Variants in UPF1 observed in about 807,000 individuals in gnomAD.
UPF1 encodes the protein regulator of nonsense transcripts 1.
UPF1 carries 9 observed loss-of-function variants against 129.2 expected under a neutral mutation model. The observed-to-expected ratio is 0.07, with a 90% confidence interval of 0.04 to 0.12. The LOEUF (loss-of-function observed/expected upper bound fraction) is 0.12. Ranked by LOEUF, UPF1 falls within the 10% of genes least tolerant of loss-of-function variation. The pLI is 1.00. For synonymous variants in UPF1, 649 were observed against 644.9 expected, an observed-to-expected ratio of 1.01 and a Z score of -0.10; for missense variants, 788 against 1,525.3, an observed-to-expected ratio of 0.52 and a Z score of 8.05.
intron 11 of UPF1, chr19:18,855,508 G>T (rs968141009): frequency 2.6e-4 from 149 of 563,226 alleles, no homozygotes; most frequent in African/African-American, 2.6e-3. Flanking sequence ...TCCGTGTGCG[G>T]CACTTTATAG....
intron 3 of UPF1, 106 bp from the exon 4 acceptor site, chr19:18,849,969 C>A: frequency 7.0e-7 from 1 of 1,434,480 alleles, no homozygotes; most frequent in Non-Finnish European, 9.6e-7. Flanking sequence ...ACTGCCTCTG[C>A]TAATGGACCG....
Position 18,832,916 on chromosome 19 carries a change from C to T in UPF1, c.231+476C>T, listed in dbSNP as rs964670340. ...GCTAGGGTGACCTGCCCTGGTCCCT[C>T]TTTCGCAGGTCTCGGTATTCTGCCT... On this transcript the variant is annotated intron_variant, in intron 1 of 23. Transcript: ENST00000262803. This position sits in a 1 kb window ranked among gnomAD's most constrained non-coding sequence, Gnocchi z 5.6. Among the ~76,000 whole-genome samples the T allele has an allele frequency of 2.0e-5, 3 of 152,098 alleles. No individual in the cohort carries two copies. The highest frequency in any genetic ancestry group is 4.4e-5 in the Non-Finnish European group (3 of 68,000).
rs12460984 is a variant in UPF1, at chr19:18,854,515, A to G, written c.1157-86A>G. On this transcript the variant is annotated intron_variant, in intron 8 of 23. Transcript: ENST00000262803. Reference sequence around the variant, plus strand: ...TGTCTTAAGTAACTAAATTTTAAAAACGCTGTTTAAAGAGCGTGTACCAAG... The same window carrying G: ...TGTCTTAAGTAACTAAATTTTAAAAGCGCTGTTTAAAGAGCGTGTACCAAG... The G allele has an allele frequency of 1.1e-4, 119 of 1,078,028 alleles. 1 individual carries two copies. The Admixed American group carries it at 2.6e-3, about 24-fold the overall frequency. 66.8% of individuals were successfully genotyped at this position (1,078,028 alleles called of 1,614,324 possible).
rs2145951814 is a variant in UPF1 at position 18,851,285 on chromosome 19, G to A, written c.810+417G>A. Among the ~76,000 whole-genome samples, 2 of 152,278 alleles carry A rather than the reference G, an allele frequency of 1.3e-5. No homozygotes were observed. Among genetic ancestry groups the A allele is most frequent in the East Asian group, 3.9e-4 (2 of 5,182 alleles). ...CAGTCAGCTGAGACAGAGGGGAGAG[G>A]AGAGGGTGCCGGGTCAAGTAGTGGG... On this transcript the variant is annotated intron_variant, in intron 5 of 23. Transcript: ENST00000262803. This position sits in a 1 kb window ranked among gnomAD's most constrained non-coding sequence, Gnocchi z 4.2.
chr19:18,860,701 G>A, intron 16 of UPF1, 125 bp from the exon 17 acceptor site: 9 of 1,388,224 alleles, frequency 6.5e-6, no homozygotes, highest in Middle Eastern at 2.6e-4. Flanking sequence ...AAGCTCAGCT[G>A]TGCAAACGCC....
At chr19:18,863,728 G>T in intron 19 of UPF1, 116 bp downstream of exon 19, 1 of 1,318,366 alleles carries the variant, frequency 7.6e-7, no homozygotes, top group Non-Finnish European at 1.0e-6. Flanking sequence ...TCTCCTAGGG[G>T]AGGGTGGGCT....
Position 18,850,569 on chromosome 19 carries a change from C to G in UPF1, c.630-119C>G. The G allele has an allele frequency of 1.7e-6, 2 of 1,154,488 alleles. No individual in the cohort carries two copies. Among genetic ancestry groups the G allele is most frequent in the Non-Finnish European group, 2.4e-6 (2 of 850,432 alleles). The allele number at this position is 1,154,488 out of a possible 1,614,324, so 71.5% of individuals were successfully genotyped here. ...ACTAACAGTTTGAAGGTAATGTGATCACATAATAAAATGCAGGGCATGCCC... is the reference window on the plus strand; with the variant it reads ...ACTAACAGTTTGAAGGTAATGTGATGACATAATAAAATGCAGGGCATGCCC... On this transcript the variant is annotated intron_variant, in intron 4 of 23. Transcript: ENST00000262803. The surrounding 1 kb of genome is among the most constrained non-coding windows in gnomAD (Gnocchi z 7.1).
intron 17 of UPF1, 33 bp from the exon 18 acceptor site, chr19:18,861,977 C>T: frequency 6.2e-7 from 1 of 1,609,478 alleles, no homozygotes; most frequent in Non-Finnish European, 8.5e-7. Flanking sequence ...AGGCAGCCTG[C>T]TGGCTGATAG....
chr19:18,836,587 C>T (rs11670952), intron 1 of UPF1, among the ~76,000 whole-genome samples: 14,649 of 151,916 alleles, frequency 0.096, 824 homozygotes, highest in African/African-American at 0.16. Context: ...GGGTAATGGA[C>T]GTTTTTATTA....
chr19:18,854,765 T>C (rs1043947509), intron 9 of UPF1, 56 bp downstream of exon 9: 3 of 1,606,250 alleles, frequency 1.9e-6, no homozygotes, highest in African/African-American at 2.7e-5. Flanking sequence ...GTGGCATCTT[T>C]ATGAGCCCTC....
intron 15 of UPF1, 39 bp from the exon 16 acceptor site, chr19:18,860,282 A>G: frequency 6.2e-7 from 1 of 1,603,260 alleles, no homozygotes; most frequent in Non-Finnish European, 8.5e-7. Flanking sequence ...GAGGCGGGCT[A>G]GGGCTTTTGA....
chr19:18,854,912 T>C lies in UPF1; in HGVS notation c.1299T>C (p.Asp433=), dbSNP rs1188834265. The C allele has an allele frequency of 1.2e-6, 2 of 1,613,882 alleles. No individual in the cohort carries two copies. The change falls in exon 10 of 24, where the codon GAT becomes GAC. Residue 433 remains aspartate (D), a synonymous_variant. Transcript: ENST00000262803. ...GCGCATTGAAAACGTTTGCCGTGGA[T>C]GAGACCTCGGTGTCTGGCTACATCT... is the stretch of plus-strand genomic sequence containing the variant. ...MQSALKTFAV[D]ETSVSGYIYH...
chr19:18,838,248 C>T (rs1195576568), intron 1 of UPF1, among the ~76,000 whole-genome samples: 2 of 151,920 alleles, frequency 1.3e-5, no homozygotes, highest in Non-Finnish European at 2.9e-5. Flanking sequence ...CTGAGGCAGG[C>T]AGATCATTTG....
intron 1 of UPF1, among the ~76,000 whole-genome samples, chr19:18,834,681 G>A (rs1365482973): frequency 6.6e-6 from 1 of 152,178 alleles, no homozygotes; most frequent in Non-Finnish European, 1.5e-5. Flanking sequence ...GGGGAAGAAC[G>A]GAATTTGGGG....
intron 2 of UPF1, among the ~76,000 whole-genome samples, chr19:18,846,772 C>T (rs991938630): frequency 4.6e-5 from 7 of 152,068 alleles, no homozygotes; most frequent in East Asian, 1.9e-4. Context: ...GGGCAGATCA[C>T]GAGGTCAGGA....
At position 18,847,791 on chromosome 19, in the gene UPF1, G is replaced by C. The variant is rs746983401; in HGVS notation, c.419G>C (p.Ser140Thr). 2.0e-5 allele frequency: 32 copies of C among 1,614,100 alleles called. No individual in the cohort carries two copies. Among genetic ancestry groups the C allele is most frequent in the Admixed American group, 3.3e-5 (2 of 60,002 alleles). Residue 140 changes from serine to threonine, a missense_variant, in exon 3 of 24, where the codon AGC (serine) becomes ACC (threonine). This residue lies in a region of UPF1 where 227 missense variants were observed against 517.9 expected (regional missense o/e 0.44). Transcript: ENST00000262803. ...GCCTGCGTGGTTTACTGTAATACCAGCAAGAAGTGGTTCTGCAACGGACGT... is the reference window on the plus strand; with the variant it reads ...GCCTGCGTGGTTTACTGTAATACCACCAAGAAGTGGTTCTGCAACGGACGT... ...DPACVVYCNTSKKWFCNGRGN... is the reference protein window; with the variant it reads ...DPACVVYCNTTKKWFCNGRGN...
intron 1 of UPF1, among the ~76,000 whole-genome samples, chr19:18,840,745 T>C (rs2055532494): frequency 6.6e-6 from 1 of 152,160 alleles, no homozygotes. Context: ...GAGAGCAAAG[T>C]TCTGCTTTCT....
Position 18,855,168 on chromosome 19 carries a change from C to T in UPF1, c.1470C>T (p.Ile490=). ...TGCTGCAAAGACCACTGAGCCTGAT[C>T]CAGGGCCCGCCAGGCACGGGGAAGA... ...KTVLQRPLSL[I]QGPPGTGKTV... is the part of the protein sequence containing the mutation. Residue 490 remains isoleucine, a synonymous_variant, in exon 11 of 24, where the codon ATC becomes ATT. Coordinates refer to ENST00000262803, the MANE Select transcript of UPF1 (RefSeq NM_002911.4). The T allele has an allele frequency of 1.2e-6, 2 of 1,613,826 alleles. No homozygotes were observed. The highest frequency in any genetic ancestry group is 2.2e-5 in the East Asian group (1 of 44,886).
chr19:18,833,759 G>C (rs1299929904), intron 1 of UPF1, among the ~76,000 whole-genome samples: 1 of 152,178 alleles, frequency 6.6e-6, no homozygotes, highest in Non-Finnish European at 1.5e-5. Context: ...TGGTGTTTCA[G>C]AACTGGGGGA....
Sources: gnomAD v4.1 joint callset for allele counts (sites outside exome capture counted in the v4.1 genomes callset) on GRCh38, gnomAD v4.1.1 for gene constraint, gnomAD v4.1.1 regional missense constraint, Gnocchi (gnomAD v3.1) non-coding constraint, MANE v1.5 for transcripts, NCBI Gene and HGNC (gene_info 2026-07-23, HGNC 2026-07-21) for gene names.